The following UGT1A7 variants were observed in gnomAD, a reference collection of about 807,000 sequenced individuals.
UGT1A7 encodes the protein UDP-glucuronosyltransferase 1A7.
Under a neutral mutation model 45.6 loss-of-function variants are expected in UGT1A7, and 33 were observed. The observed-to-expected ratio is 0.72, with a 90% CI of 0.55 to 0.97. The LOEUF (loss-of-function observed/expected upper bound fraction) is 0.97, where lower values mean the gene tolerates loss of function less well. Ranked by LOEUF, UGT1A7 falls within the 50% of genes least tolerant of loss-of-function variation. The probability of loss-of-function intolerance (pLI) is 0.00; values close to 1 mark genes in which losing one functional copy is unlikely to be tolerated. For synonymous variants in UGT1A7, 274 were observed against 250.6 expected, an observed-to-expected ratio of 1.09 and a Z score of -0.88; for missense variants, 684 against 666.2, an observed-to-expected ratio of 1.03 and a Z score of -0.29.
At chr2:233,755,164 G>C in intron 1 of UGT1A7, 1 of 1,277,322 alleles carries the variant, frequency 7.8e-7, no homozygotes, top group Non-Finnish European at 1.1e-6. Flanking sequence ...CTGTCCTCGG[G>C]GTTTTTGTCG....
intron 1 of UGT1A7, chr2:233,754,908 T>C: frequency 7.4e-7 from 1 of 1,352,648 alleles, no homozygotes; most frequent in Non-Finnish European, 9.9e-7. Flanking sequence ...CCCCAAAATA[T>C]TCTCCAGCGG....
chr2:233,737,525 C>T (rs943562691), intron 1 of UGT1A7, among the ~76,000 whole-genome samples: 11 of 152,188 alleles, frequency 7.2e-5, no homozygotes, highest in African/African-American at 1.4e-4. Context: ...GGTGAGGCGA[C>T]GCCCTGCCCT....
chr2:233,706,059 C>T lies in UGT1A7; in HGVS notation c.855+23267C>T, dbSNP rs28898587. 2.0e-3 allele frequency among the ~76,000 whole-genome samples: 305 copies of T among 152,274 alleles called. 7 individuals carry two copies. In the East Asian group the frequency reaches 0.057, roughly 29 times the overall value. ...GCAGTGAGCCGAGATCACGCCACTGCATGCCAGCCTGGGTGACAGAGCTAG... is the reference window on the plus strand; with the variant it reads ...GCAGTGAGCCGAGATCACGCCACTGTATGCCAGCCTGGGTGACAGAGCTAG... On this transcript the variant is annotated intron_variant, in intron 1 of 4. Transcript: ENST00000373426.
At chr2:233,693,280 A>G (rs1249048416) in intron 1 of UGT1A7, 4 of 1,614,160 alleles carry the variant, frequency 2.5e-6, no homozygotes, top group Non-Finnish European at 3.4e-6. Context: ...ACCGTTACCA[A>G]TCATTTGGAA....
rs777238544 is a variant in UGT1A7, at chr2:233,768,345, A to G, written c.1201A>G (p.Met401Val). ...FGDQMDNAKRMETKGAGVTLN... is the reference protein window; with the variant it reads ...FGDQMDNAKRVETKGAGVTLN... ...TGATCAGATGGACAATGCAAAGCGC[A>G]TGGAGACTAAGGGAGCTGGAGTGAC... Residue 401 changes from methionine (M) to valine (V), a missense_variant, in exon 4 of 5, where the codon ATG (methionine) becomes GTG (valine). Coordinates refer to ENST00000373426, the MANE Select transcript of UGT1A7 (RefSeq NM_019077.3). 3 of 1,614,098 alleles carry G rather than the reference A, an allele frequency of 1.9e-6. No individual in the cohort carries two copies. Among genetic ancestry groups the G allele is most frequent in the Non-Finnish European group, 2.5e-6 (3 of 1,180,044 alleles).
intron 1 of UGT1A7, among the ~76,000 whole-genome samples, chr2:233,685,748 C>T (rs569511404): frequency 6.6e-6 from 1 of 152,214 alleles, no homozygotes; most frequent in African/African-American, 2.4e-5. Flanking sequence ...TTTTTTCTTC[C>T]ATTTTAAAGA....
intron 1 of UGT1A7, among the ~76,000 whole-genome samples, chr2:233,733,966 G>A (rs1285977671): frequency 6.6e-6 from 1 of 152,042 alleles, no homozygotes; most frequent in Non-Finnish European, 1.5e-5. Context: ...TGGGGTAGGG[G>A]GAGCGGGGAG....
At chr2:233,689,976 G>A (rs1450034363) in intron 1 of UGT1A7, 1 of 453,954 alleles carries the variant, frequency 2.2e-6, no homozygotes, top group East Asian at 7.0e-5. Context: ...GAACCCACAG[G>A]CCCCTAAAAG....
chr2:233,696,132 A>G (rs1187117199), intron 1 of UGT1A7, among the ~76,000 whole-genome samples: 2 of 152,204 alleles, frequency 1.3e-5, no homozygotes, highest in African/African-American at 4.8e-5. Flanking sequence ...CTGCCCCAAT[A>G]TATCCCATTG....
chr2:233,699,544 A>C (rs1031382585), intron 1 of UGT1A7, among the ~76,000 whole-genome samples: 9 of 152,228 alleles, frequency 5.9e-5, no homozygotes, highest in Non-Finnish European at 1.2e-4. Context: ...TTCACATCAT[A>C]GAGCCAGGTC....
At chr2:233,747,972 G>T in intron 1 of UGT1A7, 1 of 1,613,464 alleles carries the variant, frequency 6.2e-7, no homozygotes, top group South Asian at 1.1e-5. Flanking sequence ...CCATGCATCT[G>T]TGTGGCTGTT....
At chr2:233,735,081 G>T (rs541127094) in intron 1 of UGT1A7, among the ~76,000 whole-genome samples, 3 of 152,254 alleles carry the variant, frequency 2.0e-5, no homozygotes, top group African/African-American at 7.2e-5. Context: ...TTAACCTTTG[G>T]TCTTGTTGAA....
At chr2:233,742,213 CAGGGCTGAG>C (rs1691910007) in intron 1 of UGT1A7, among the ~76,000 whole-genome samples, 1 of 151,938 alleles carries the variant, frequency 6.6e-6, no homozygotes, top group Non-Finnish European at 1.5e-5. Context: ...TCACAGCCTT[CAGGGCTGAG>C]AGCCCCAAAC....
At position 233,711,685 on chromosome 2, in the gene UGT1A7, T is replaced by C. The variant is rs187300831; in HGVS notation, c.855+28893T>C. 2.5e-3 allele frequency among the ~76,000 whole-genome samples: 380 copies of C among 152,250 alleles called. 1 individual carries two copies. Among genetic ancestry groups the C allele is most frequent in the African/African-American group, 8.7e-3 (363 of 41,544 alleles). Reference sequence around the variant, plus strand: ...ATCTATTATCAATGTGGATTTCTAATGGGGGTAACTTCCTCCCTAAGGGAA... The same window carrying C: ...ATCTATTATCAATGTGGATTTCTAACGGGGGTAACTTCCTCCCTAAGGGAA... On this transcript the variant is annotated intron_variant, in intron 1 of 4. Transcript: ENST00000373426.
chr2:233,724,072 G>A (rs1233032648), intron 1 of UGT1A7, among the ~76,000 whole-genome samples: 2 of 94,580 alleles, frequency 2.1e-5, no homozygotes, highest in African/African-American at 6.0e-5. Flanking sequence ...GGTGGTGGCC[G>A]GGCAGAGGGG....
At chr2:233,734,972 G>C (rs1474652770) in intron 1 of UGT1A7, among the ~76,000 whole-genome samples, 2 of 152,238 alleles carry the variant, frequency 1.3e-5, no homozygotes, top group East Asian at 1.9e-4. Context: ...ATGTGGTGCT[G>C]AGAAGAATGT....
intron 1 of UGT1A7, chr2:233,693,496 C>T (rs1360218156): frequency 8.1e-6 from 13 of 1,614,144 alleles, no homozygotes; most frequent in Non-Finnish European, 1.1e-5. Context: ...AGTATTTGGG[C>T]CTACCATCTG....
intron 1 of UGT1A7, chr2:233,760,364 A>G (rs1697418455): frequency 1.9e-6 from 3 of 1,614,036 alleles, no homozygotes; most frequent in Non-Finnish European, 2.5e-6. Flanking sequence ...GTGGTGTCCC[A>G]TGCTGGGAAG....
chr2:233,689,772 G>T (rs954831614), intron 1 of UGT1A7: 2 of 320,366 alleles, frequency 6.2e-6, no homozygotes, highest in East Asian at 1.0e-4. Context: ...ACAACTCGGG[G>T]ACATATGTTA....
Sources: allele counts gnomAD v4.1 joint callset (sites outside exome capture counted in the v4.1 genomes callset), GRCh38; gene constraint gnomAD v4.1.1; transcripts MANE v1.5; gene names NCBI Gene and HGNC (gene_info 2026-07-23, HGNC 2026-07-21).